Variants in TOLLIP observed in about 807,000 individuals in gnomAD.
TOLLIP encodes toll-interacting protein.
Under a neutral mutation model 33.5 loss-of-function variants are expected in TOLLIP, and 16 were observed. The ratio of observed to expected loss-of-function variants is 0.48; its 90% confidence interval spans 0.32 to 0.72. The LOEUF is 0.72. Ranked by LOEUF, TOLLIP falls within the 30% of genes least tolerant of loss-of-function variation. The pLI is 0.03. For synonymous variants in TOLLIP, 176 were observed against 163.7 expected (o/e 1.07, Z -0.57); for missense variants, 325 against 396.6 (o/e 0.82, Z 1.53).
chr11:1,284,557 G>C (rs1471589422), intron 5 of TOLLIP, among the ~76,000 whole-genome samples: 11 of 152,126 alleles, frequency 7.2e-5, no homozygotes, highest in Admixed American at 5.9e-4. Flanking sequence ...CACCGTGTTG[G>C]CCAGGATGGT....
chr11:1,295,101 A>G (rs893252154), intron 2 of TOLLIP, among the ~76,000 whole-genome samples: 10 of 151,750 alleles, frequency 6.6e-5, no homozygotes, highest in African/African-American at 2.4e-4. Context: ...CGTGGCTCAC[A>G]GTGTGTTTCC....
At position 1,309,582 on chromosome 11, in the gene TOLLIP, G is replaced by A; in HGVS notation, c.-84C>T. The stretch of plus-strand genomic sequence containing the variant: ...TGCGCCCCCGCCGGAGCCTGCGACG[G>A]AGACAGTTGTCACCTCGAGGCCGCC... On this transcript the variant is annotated 5_prime_UTR_variant, in exon 1 of 6. Coordinates refer to ENST00000317204, the MANE Select transcript of TOLLIP (RefSeq NM_019009.4). 2.8e-6 allele frequency: 2 copies of A among 721,102 alleles called. No homozygotes were observed. The highest frequency in any genetic ancestry group is 3.8e-6 in the Non-Finnish European group (2 of 521,948). 44.7% of individuals were successfully genotyped at this position (721,102 alleles called of 1,614,324 possible). A position where few individuals can be genotyped will look rare whatever the true frequency, so the allele number is the denominator to read the frequency against.
chr11:1,283,813 C>A (rs376960196), intron 5 of TOLLIP, among the ~76,000 whole-genome samples: 1 of 152,210 alleles, frequency 6.6e-6, no homozygotes, highest in South Asian at 2.1e-4. Flanking sequence ...AGCCACAGAG[C>A]GCCCGGCCCA....
chr11:1,308,459 T>TTAAA (rs1425685032), intron 1 of TOLLIP, among the ~76,000 whole-genome samples: 11 of 152,216 alleles, frequency 7.2e-5, no homozygotes, highest in African/African-American at 2.7e-4. Context: ...CGGGAGCCAA[T>TTAAA]TAAATCTCTT....
rs545834378 is a variant in TOLLIP, at chr11:1,278,062, G to A, written c.611-809C>T. Among the ~76,000 whole-genome samples, 5 of 152,264 alleles carry A rather than the reference G, an allele frequency of 3.3e-5. No homozygotes were observed. Among genetic ancestry groups the A allele is most frequent in the South Asian group, 2.1e-4 (1 of 4,822 alleles). On this transcript the variant is annotated intron_variant, in intron 5 of 5. Transcript: ENST00000317204. The surrounding 1 kb of genome is among the most constrained non-coding windows in gnomAD (Gnocchi z 4.7). The stretch of plus-strand genomic sequence containing the variant: ...GCAATCTATCGAGCAGGAGACGCAC[G>A]GCGGTTCAGCCACTGCAGCACACAC...
At chr11:1,283,008 G>C (rs1863556101) in intron 5 of TOLLIP, among the ~76,000 whole-genome samples, 1 of 152,222 alleles carries the variant, frequency 6.6e-6, no homozygotes, top group African/African-American at 2.4e-5. Context: ...GATAAACTCA[G>C]GGGCTGACAA....
At position 1,274,440 on chromosome 11, in the gene TOLLIP, A is replaced by G. The variant is rs1460395127; in HGVS notation, c.*2599T>C. ...TCATTTATTAAATTAGAAGACTAAA[A>G]AGTAAAAATATATTTTACAATCAAA... On this transcript the variant is annotated 3_prime_UTR_variant, in exon 6 of 6. Coordinates refer to ENST00000317204, the MANE Select transcript of TOLLIP (RefSeq NM_019009.4). 1 of 152,250 alleles carries G rather than the reference A, an allele frequency of 6.6e-6. No individual in the cohort carries two copies. The highest frequency in any genetic ancestry group is 1.5e-5 in the Non-Finnish European group (1 of 68,040). The allele number at this position is 152,250 out of a possible 1,614,324, so 9.4% of individuals were successfully genotyped here. A position where few individuals can be genotyped will look rare whatever the true frequency, so the allele number is the denominator to read the frequency against.
chr11:1,304,288 C>A (rs549191280), intron 1 of TOLLIP, among the ~76,000 whole-genome samples: 1 of 151,878 alleles, frequency 6.6e-6, no homozygotes, highest in Admixed American at 6.6e-5. Flanking sequence ...TCCACACACA[C>A]AAAAATAGCT....
chr11:1,299,999 G>A (rs554562384), intron 1 of TOLLIP, among the ~76,000 whole-genome samples: 1 of 152,354 alleles, frequency 6.6e-6, no homozygotes, highest in South Asian at 2.1e-4. Flanking sequence ...CAACTCTGGA[G>A]GAGCATTCAG....
Position 1,277,844 on chromosome 11 carries a change from G to A in TOLLIP, c.611-591C>T, listed in dbSNP as rs1388485211. On this transcript the variant is annotated intron_variant, in intron 5 of 5. Transcript: ENST00000317204. This position sits in a 1 kb window ranked among gnomAD's most constrained non-coding sequence, Gnocchi z 4.2. ...TCAGCAAAGCTGCAGCCGATGCCCA[G>A]AATGACAACCCCACACACACATACA... 5.3e-5 allele frequency among the ~76,000 whole-genome samples: 8 copies of A among 152,184 alleles called. No homozygotes were observed. Among genetic ancestry groups the A allele is most frequent in the Non-Finnish European group, 1.2e-4 (8 of 68,038 alleles).
chr11:1,281,889 C>A (rs1005208500), intron 5 of TOLLIP, among the ~76,000 whole-genome samples: 13 of 152,226 alleles, frequency 8.5e-5, no homozygotes, highest in African/African-American at 3.1e-4. Context: ...GCCTAGTCGG[C>A]CCGAGACGCC....
At chr11:1,286,256 G>A (rs1240006029) in intron 4 of TOLLIP, among the ~76,000 whole-genome samples, 164 bp from the exon 5 acceptor site, 1 of 152,210 alleles carries the variant, frequency 6.6e-6, no homozygotes, top group Non-Finnish European at 1.5e-5. Flanking sequence ...GTGCACAGGG[G>A]ACGCTGGGCC....
intron 2 of TOLLIP, among the ~76,000 whole-genome samples, chr11:1,293,026 T>C (rs1747314396): frequency 6.6e-6 from 1 of 152,112 alleles, no homozygotes; most frequent in Admixed American, 6.5e-5. Flanking sequence ...CTGGCCACGC[T>C]GCAGGGGCTG....
At chr11:1,281,966 C>G (rs1459612280) in intron 5 of TOLLIP, among the ~76,000 whole-genome samples, 1 of 152,202 alleles carries the variant, frequency 6.6e-6, no homozygotes, top group Non-Finnish European at 1.5e-5. Context: ...GCAGTGGCTG[C>G]CGGGAGGATG....
In TOLLIP at chr11:1,277,369, C is replaced by T. The variant is rs1863345130; in HGVS notation, c.611-116G>A. The stretch of plus-strand genomic sequence containing the variant: ...ACCGGCCTCCCTGAGGAAGGGGCCA[C>T]CTCGGGTCTCAGCAAACACCAGTCC... On this transcript the variant is annotated intron_variant, in intron 5 of 5. Transcript: ENST00000317204. The surrounding 1 kb of genome is among the most constrained non-coding windows in gnomAD (Gnocchi z 4.2). 1 of 833,174 alleles carries T rather than the reference C, an allele frequency of 1.2e-6. No individual in the cohort carries two copies. The highest frequency in any genetic ancestry group is 1.8e-6 in the Non-Finnish European group (1 of 559,726). The allele number at this position is 833,174 out of a possible 1,614,324, so 51.6% of individuals were successfully genotyped here. A position where few individuals can be genotyped will look rare whatever the true frequency, so the allele number is the denominator to read the frequency against.
chr11:1,281,129 C>T (rs752477013), intron 5 of TOLLIP, among the ~76,000 whole-genome samples: 32 of 152,172 alleles, frequency 2.1e-4, no homozygotes, highest in Non-Finnish European at 4.3e-4. Flanking sequence ...ATGCCTACCA[C>T]GAATTATTTG....
chr11:1,277,118 A>G lies in TOLLIP; in HGVS notation c.746T>C (p.Ile249Thr), dbSNP rs1863334760. 6.2e-7 allele frequency: 1 copy of G among 1,614,004 alleles called. No homozygotes were observed. The highest frequency in any genetic ancestry group is 1.3e-5 in the African/African-American group (1 of 74,936). The change falls in exon 6 of 6, where the codon ATC becomes ACC. Residue 249 changes from isoleucine (I) to threonine (T), a missense_variant. By Grantham distance (89) the Ile-to-Thr change is moderately conservative. Transcript: ENST00000317204. The surrounding 1 kb of genome is among the most constrained non-coding windows in gnomAD (Gnocchi z 4.2). ...TCGCTGGGCTTCCAGCACGGAGCGG[A>G]TCACCTCCTGGTCCATGTTGGGGAA... ...DMFPNMDQEV[I>T]RSVLEAQRGN...
chr11:1,300,870 C>T (rs373551427), intron 1 of TOLLIP, among the ~76,000 whole-genome samples: 1 of 152,236 alleles, frequency 6.6e-6, no homozygotes, highest in Non-Finnish European at 1.5e-5. Flanking sequence ...CCATGACTGG[C>T]CCCCTGCGGA....
chr11:1,279,638 G>A (rs538760220), intron 5 of TOLLIP, among the ~76,000 whole-genome samples: 8 of 152,314 alleles, frequency 5.3e-5, no homozygotes, highest in South Asian at 2.1e-4. Flanking sequence ...GCACGCACGC[G>A]GACGGATGTG....
Sources: gnomAD v4.1 joint callset for allele counts (sites outside exome capture counted in the v4.1 genomes callset) on GRCh38, gnomAD v4.1.1 for gene constraint, Gnocchi (gnomAD v3.1) non-coding constraint, MANE v1.5 for transcripts, NCBI Gene and HGNC (gene_info 2026-07-23, HGNC 2026-07-21) for gene names.